The following AGRN variants were observed in gnomAD, a reference collection of about 807,000 sequenced individuals.
AGRN encodes the protein agrin, also known as agrin proteoglycan.
A neutral mutation model predicts 211.0 loss-of-function variants in AGRN; 106 were observed. That is an observed-to-expected ratio of 0.50 (90% confidence interval 0.43 to 0.59). The LOEUF (loss-of-function observed/expected upper bound fraction) is 0.59. Ranked by LOEUF, AGRN falls within the 20% of genes least tolerant of loss-of-function variation. The pLI is 0.00. For missense variants in AGRN, 3,040 were observed against 2,982.6 expected, an observed-to-expected ratio of 1.02 and a Z score of -0.45; for synonymous variants, 1,525 against 1,332.5, an observed-to-expected ratio of 1.14 and a Z score of -3.15.
In AGRN at chr1:1,034,019, G is replaced by T. The variant is rs1055178779; in HGVS notation, c.464-1258G>T. 3.3e-5 allele frequency: 22 copies of T among 657,298 alleles called. No individual in the cohort carries two copies. In the African/African-American group the frequency reaches 4.4e-4, roughly 13 times the overall value. 40.7% of individuals were successfully genotyped at this position (657,298 alleles called of 1,614,324 possible). On this transcript the variant is annotated intron_variant, in intron 2 of 35. Transcript: ENST00000379370. ...CTCACCTCCCCAGCCCCGCGGGGAC[G>T]AGGGGAGCTGGAGGGAGCCCGGGAC... is the stretch of plus-strand genomic sequence containing the variant.
At chr1:1,024,743 C>A (rs1644481407) in intron 2 of AGRN, among the ~76,000 whole-genome samples, 1 of 152,146 alleles carries the variant, frequency 6.6e-6, no homozygotes, top group South Asian at 2.1e-4. Context: ...CCCTGCCCAG[C>A]CAAGGCCCCT....
chr1:1,044,783 G>T (rs28640190), intron 12 of AGRN, among the ~76,000 whole-genome samples: 28 of 152,196 alleles, frequency 1.8e-4, no homozygotes, highest in African/African-American at 5.8e-4. Flanking sequence ...TGTGATGCGC[G>T]TGCACAGATG....
Position 1,051,493 on chromosome 1 carries a change from T to A in AGRN, c.5411T>A (p.Val1804Glu), listed in dbSNP as rs765259052. 6.4e-7 allele frequency: 1 copy of A among 1,570,916 alleles called. No individual in the cohort carries two copies. The highest frequency in any genetic ancestry group is 8.6e-7 in the Non-Finnish European group (1 of 1,161,610). Residue 1804 changes from valine to glutamate, a missense_variant, in exon 32 of 36, where the codon GTG (valine) becomes GAG (glutamate). Transcript: ENST00000379370. ...CGCCAGCTGCTGACCCCGGAGCACG[T>A]GCTGCGGCAGGTGGACGTCACGTCC... ...GGRQLLTPEH[V>E]LRQVDVTSFA...
rs1347143869 is a variant in AGRN, at chr1:1,054,565, G to A, written c.5980+14G>A. ...CCCTGTGGCTTGGTGAGTGTTTTGG[G>A]GAGACTAGAGAGGGATGCCCAAGGG... On this transcript the variant is annotated intron_variant, in intron 35 of 35. Coordinates refer to ENST00000379370, the MANE Select transcript of AGRN (RefSeq NM_198576.4). 6.3e-7 allele frequency: 1 copy of A among 1,576,234 alleles called. No individual in the cohort carries two copies. Among genetic ancestry groups the A allele is most frequent in the Non-Finnish European group, 8.6e-7 (1 of 1,162,170 alleles).
rs1453057566 is a variant in AGRN, at chr1:1,043,690, A to G, written c.1756A>G (p.Thr586Ala). 1.2e-6 allele frequency: 2 copies of G among 1,600,304 alleles called. No individual in the cohort carries two copies. The highest frequency in any genetic ancestry group is 1.7e-6 in the Non-Finnish European group (2 of 1,179,664). The change falls in exon 9 of 36, where the codon ACA (threonine) becomes GCA (alanine). Residue 586 changes from threonine (T) to alanine (A), a missense_variant. By Grantham distance (58) the Thr-to-Ala change is moderately conservative (BLOSUM62 0). This residue lies in a region of AGRN where 1,498 missense variants were observed against 1,457.8 expected (regional missense o/e 1.03). Coordinates refer to ENST00000379370, the MANE Select transcript of AGRN (RefSeq NM_198576.4). ...SECMLHVHAC[T>A]HQISLHVASA... ...GTGCATGCTGCACGTGCACGCCTGC[A>G]CACACCAGATCAGCCTGCACGTGGC...
At chr1:1,053,693 TC>T (rs2100699034) in intron 33 of AGRN, 59 bp from the exon 34 acceptor site, 2 of 1,069,152 alleles carry the variant, frequency 1.9e-6, no homozygotes. Context: ...TCCTCCCGCC[TC>T]CCCCACCCTG....
chr1:1,041,164 C>G lies in AGRN; in HGVS notation c.728-9C>G, dbSNP rs761889965. 4 of 1,396,610 alleles carry G rather than the reference C, an allele frequency of 2.9e-6. No individual in the cohort carries two copies. In the South Asian group the frequency reaches 5.9e-5, roughly 21 times the overall value. The allele number at this position is 1,396,610 out of a possible 1,614,324, so 86.5% of individuals were successfully genotyped here. A position where few individuals can be genotyped will look rare whatever the true frequency, so the allele number is the denominator to read the frequency against. ...GCGGCCCGTCTGACCGGCAAAGCCC[C>G]GCCCGCAGGCTCGCGGGACCCCTGC... On this transcript the variant is annotated splice_polypyrimidine_tract_variant and intron_variant, in intron 4 of 35. Transcript: ENST00000379370.
chr1:1,037,013 C>G (rs1435405052), intron 3 of AGRN, among the ~76,000 whole-genome samples: 1 of 152,102 alleles, frequency 6.6e-6, no homozygotes, highest in African/African-American at 2.4e-5. Context: ...CTGGAAGACC[C>G]TCTCCCTCCT....
intron 3 of AGRN, among the ~76,000 whole-genome samples, chr1:1,035,683 G>A (rs552772953): frequency 6.6e-6 from 1 of 152,334 alleles, no homozygotes; most frequent in Non-Finnish European, 1.5e-5. Context: ...CCTTCTCCCT[G>A]TTCAGCAAGG....
intron 12 of AGRN, 49 bp downstream of exon 12, chr1:1,044,488 G>T (rs1645036853): frequency 6.5e-7 from 1 of 1,548,362 alleles, no homozygotes; most frequent in South Asian, 1.2e-5. Context: ...GCGGCGTCTG[G>T]GTTTCCGTGT....
At chr1:1,027,389 CA>C (rs1644543956) in intron 2 of AGRN, among the ~76,000 whole-genome samples, 1 of 152,210 alleles carries the variant, frequency 6.6e-6, no homozygotes, top group Non-Finnish European at 1.5e-5. Context: ...GCTGGTGCTG[CA>C]GGTGTGAGGC....
At chr1:1,026,522 G>A (rs1169589625) in intron 2 of AGRN, among the ~76,000 whole-genome samples, 1 of 152,148 alleles carries the variant, frequency 6.6e-6, no homozygotes, top group African/African-American at 2.4e-5. Flanking sequence ...ACTGCAGGAG[G>A]GTGGAAAACA....
At position 1,043,446 on chromosome 1, in the gene AGRN, A is replaced by G. The variant is rs1252608990; in HGVS notation, c.1592A>G (p.Lys531Arg). Residue 531 changes from lysine to arginine, a missense_variant, in exon 8 of 36, where the codon AAA becomes AGA. By Grantham distance (26) the Lys-to-Arg change is conservative. Around this residue, in one of 3 missense-constraint regions of AGRN, gnomAD observed 1,498 missense variants for 1,457.8 expected, o/e 1.03. Coordinates refer to ENST00000379370, the MANE Select transcript of AGRN (RefSeq NM_198576.4). ...TLGREIQVAR[K>R]GPCDRCGQCR... is the part of the protein sequence containing the mutation. ...GGGCGGGAGATCCAGGTGGCGCGCA[A>G]AGGACCCTGTGGTCAGTGGCGGGTG... 1.2e-6 allele frequency: 2 copies of G among 1,606,776 alleles called. No homozygotes were observed. The highest frequency in any genetic ancestry group is 1.3e-5 in the African/African-American group (1 of 74,926).
Position 1,048,034 on chromosome 1 carries a change from G to A in AGRN, c.3774G>A (p.Thr1258=), listed in dbSNP as rs776950559. ...MDFDWFPAFI[T]GATSGAIAAG... ...CAGACTGGTTTCCTGCGTTTATCAC[G>A]GGGGCCACGTCAGGAGCCATTGCTG... The change falls in exon 23 of 36, where the codon ACG becomes ACA. Residue 1258 remains threonine, a synonymous_variant. Coordinates refer to ENST00000379370, the MANE Select transcript of AGRN (RefSeq NM_198576.4). The surrounding 1 kb of genome is among the most constrained non-coding windows in gnomAD (Gnocchi z 5.9). 6 of 1,585,244 alleles carry A rather than the reference G, an allele frequency of 3.8e-6. No homozygotes were observed. Among genetic ancestry groups the A allele is most frequent in the South Asian group, 2.3e-5 (2 of 88,246 alleles).
chr1:1,044,641 G>A (rs144219535), intron 12 of AGRN, among the ~76,000 whole-genome samples: 8 of 152,322 alleles, frequency 5.3e-5, no homozygotes, highest in East Asian at 1.9e-4. Context: ...GTCAGTGGGC[G>A]TGCACCAGGC....
intron 2 of AGRN, among the ~76,000 whole-genome samples, chr1:1,025,944 C>T (rs1402807143): frequency 1.3e-5 from 2 of 152,284 alleles, no homozygotes; most frequent in East Asian, 3.9e-4. Context: ...ATGGACTTGT[C>T]CCGTCTTTGA....
intron 1 of AGRN, 32 bp from the exon 2 acceptor site, chr1:1,022,169 A>C: frequency 6.2e-7 from 1 of 1,612,776 alleles, no homozygotes; most frequent in South Asian, 1.1e-5. Flanking sequence ...CCAGGAGAGG[A>C]CTAATGACAC....
At position 1,020,196 on chromosome 1, in the gene AGRN, C is replaced by T. The variant is rs1317316964; in HGVS notation, c.24C>T (p.Gly8=). MAGRSHP[G]PLRPLLPLLV... ...CCATGGCCGGCCGGTCCCACCCGGG[C>T]CCGCTGCGGCCGCTGCTGCCGCTCC... The change falls in exon 1 of 36, where the codon GGC becomes GGT. Residue 8 remains glycine, a synonymous_variant. Coordinates refer to ENST00000379370, the MANE Select transcript of AGRN (RefSeq NM_198576.4). 1.5e-6 allele frequency: 2 copies of T among 1,361,786 alleles called. No individual in the cohort carries two copies. The highest frequency in any genetic ancestry group is 9.4e-7 in the Non-Finnish European group (1 of 1,060,876). 84.4% of individuals were successfully genotyped at this position (1,361,786 alleles called of 1,614,324 possible). A position where few individuals can be genotyped will look rare whatever the true frequency, so the allele number is the denominator to read the frequency against.
In AGRN at chr1:1,049,711, C is replaced by T. The variant is rs1463712199; in HGVS notation, c.4660C>T (p.Leu1554=). 4 of 1,580,564 alleles carry T rather than the reference C, an allele frequency of 2.5e-6. No individual in the cohort carries two copies. The highest frequency in any genetic ancestry group is 3.4e-6 in the Non-Finnish European group (4 of 1,164,804). Residue 1554 remains leucine, a synonymous_variant, in exon 26 of 36, where the codon CTG becomes TTG. Transcript: ENST00000379370. ...GGGCGAGTGCGGGGACCACCCCTGC[C>T]TGCCCAACCCCTGCCATGGCGGGGC... The part of the protein sequence containing the change: ...GVGECGDHPC[L]PNPCHGGAPC...
Sources: allele counts gnomAD v4.1 joint callset (sites outside exome capture counted in the v4.1 genomes callset), GRCh38; gene constraint gnomAD v4.1.1; regional missense constraint gnomAD v4.1.1; non-coding constraint Gnocchi (gnomAD v3.1); transcripts MANE v1.5; gene names NCBI Gene and HGNC (gene_info 2026-07-23, HGNC 2026-07-21).